ST3GAL4: variants seen among roughly 807,000 people sequenced by gnomAD.
The protein encoded by ST3GAL4 is ST3 beta-galactoside alpha-2,3-sialyltransferase 4.
A neutral mutation model predicts 42.6 loss-of-function variants in ST3GAL4; 24 were observed. The ratio of observed to expected loss-of-function variants is 0.56; its 90% CI spans 0.41 to 0.79. The LOEUF is 0.79. Ranked by LOEUF, ST3GAL4 falls within the 30% of genes least tolerant of loss-of-function variation. ST3GAL4 has a pLI of 0.00. For synonymous variants in ST3GAL4, 135 were observed against 163.2 expected (o/e 0.83, Z 1.32); for missense variants, 311 against 430.8 (o/e 0.72, Z 2.46).
At chr11:126,380,377 C>G (rs1952951830) in intron 1 of ST3GAL4, among the ~76,000 whole-genome samples, 1 of 152,072 alleles carries the variant, frequency 6.6e-6, no homozygotes, top group African/African-American at 2.4e-5. Context: ...CATCATACAT[C>G]AAGACCTTGC....
At position 126,391,935 on chromosome 11, in the gene ST3GAL4, T is replaced by TTG. The variant is rs1565412210; in HGVS notation, c.-60-14161_-60-14160insTG. Among the ~76,000 whole-genome samples the TTG allele has an allele frequency of 3.9e-3, 445 of 114,196 alleles. 2 individuals are homozygous for TTG. The highest frequency in any genetic ancestry group is 0.015 in the African/African-American group (424 of 27,610). The allele number at this position is 114,196 out of a possible 152,430, so 74.9% of individuals were successfully genotyped here. Reference sequence around the variant, plus strand: ...GCTCAGAACACCTGTGATAACTTGGTCGTGTGTGTGTGTGTGTGTGTGTGT... The same window carrying TTG: ...GCTCAGAACACCTGTGATAACTTGGTTGCGTGTGTGTGTGTGTGTGTGTGTGT... On this transcript the variant is annotated intron_variant, in intron 1 of 10. Coordinates refer to ENST00000444328, the MANE Select transcript of ST3GAL4 (RefSeq NM_001254757.2). This position sits in a 1 kb window ranked among gnomAD's most constrained non-coding sequence, Gnocchi z 5.5.
intron 1 of ST3GAL4, among the ~76,000 whole-genome samples, chr11:126,380,424 T>C (rs1447674213): frequency 6.6e-6 from 1 of 152,190 alleles, no homozygotes; most frequent in Non-Finnish European, 1.5e-5. Context: ...GTAGAGTGGA[T>C]AAATGAAGTT....
intron 1 of ST3GAL4, among the ~76,000 whole-genome samples, chr11:126,389,693 T>C (rs1953397103): frequency 6.6e-6 from 1 of 152,158 alleles, no homozygotes; most frequent in South Asian, 2.1e-4. Flanking sequence ...GTTAGCCTCC[T>C]GAGGAACTGG....
Position 126,368,217 on chromosome 11 carries a change from A to G in ST3GAL4, c.-61+12375A>G, listed in dbSNP as rs187746329. On this transcript the variant is annotated intron_variant, in intron 1 of 10. Coordinates refer to ENST00000444328, the MANE Select transcript of ST3GAL4 (RefSeq NM_001254757.2). ...AGGGATGATTTTTAAAAGTGAATCC[A>G]GGGCCAGGTGTGGTGGCTCATGCCT... 3.5e-3 allele frequency among the ~76,000 whole-genome samples: 524 copies of G among 150,542 alleles called. 1 individual carries two copies. The highest frequency in any genetic ancestry group is 5.6e-3 in the Admixed American group (85 of 15,148).
Position 126,410,408 on chromosome 11 carries a change from A to C in ST3GAL4, c.771+997A>C, listed in dbSNP as rs1410016748. Among the ~76,000 whole-genome samples the C allele has an allele frequency of 6.6e-6, 1 of 152,160 alleles. No individual in the cohort carries two copies. The highest frequency in any genetic ancestry group is 2.4e-5 in the African/African-American group (1 of 41,434). ...GTGAGAGACAGGCACTAGCAGACACAGGTATGGCGCTTGGCTGTGCTGTGT... is the reference window on the plus strand; with the variant it reads ...GTGAGAGACAGGCACTAGCAGACACCGGTATGGCGCTTGGCTGTGCTGTGT... On this transcript the variant is annotated intron_variant, in intron 9 of 10. Transcript: ENST00000444328. This position sits in a 1 kb window ranked among gnomAD's most constrained non-coding sequence, Gnocchi z 5.3.
chr11:126,390,569 C>A (rs1210237670), intron 1 of ST3GAL4, among the ~76,000 whole-genome samples: 1 of 150,408 alleles, frequency 6.6e-6, no homozygotes, highest in Non-Finnish European at 1.5e-5. Flanking sequence ...TTTCATATGT[C>A]CACCAAGTGT....
rs1040645477 is a variant in ST3GAL4, at chr11:126,410,124, C to T, written c.771+713C>T. Reference sequence around the variant, plus strand: ...GTCTCACTGTGTTGCCCAGGCTGGTCCTGAACTCCTGGCCTCAAGTGATCC... The same window carrying T: ...GTCTCACTGTGTTGCCCAGGCTGGTTCTGAACTCCTGGCCTCAAGTGATCC... On this transcript the variant is annotated intron_variant, in intron 9 of 10. Transcript: ENST00000444328. This position sits in a 1 kb window ranked among gnomAD's most constrained non-coding sequence, Gnocchi z 5.3. 3.3e-5 allele frequency among the ~76,000 whole-genome samples: 5 copies of T among 152,178 alleles called. No homozygotes were observed. The highest frequency in any genetic ancestry group is 2.1e-4 in the South Asian group (1 of 4,826).
At position 126,400,090 on chromosome 11, in the gene ST3GAL4, C is replaced by T. The variant is rs561975577; in HGVS notation, c.-60-6006C>T. Among the ~76,000 whole-genome samples the T allele has an allele frequency of 4.1e-4, 63 of 152,220 alleles. No individual in the cohort carries two copies. Among genetic ancestry groups the T allele is most frequent in the Non-Finnish European group, 6.8e-4 (46 of 68,018 alleles). ...CCTCTCCCCTCTCCACTTCTTGGCA[C>T]CAATTTTCTGTCTTAGTCCATTTTG... On this transcript the variant is annotated intron_variant, in intron 1 of 10. Transcript: ENST00000444328. This position sits in a 1 kb window ranked among gnomAD's most constrained non-coding sequence, Gnocchi z 4.6.
rs1952932514 is a variant in ST3GAL4, at chr11:126,379,776, C to A, written c.-61+23934C>A. Among the ~76,000 whole-genome samples, 1 of 152,122 alleles carries A rather than the reference C, an allele frequency of 6.6e-6. No individual in the cohort carries two copies. ...TACAGGCATGAGCCACCACACCCGG[C>A]CTGTTATCCTTAATTTTAAATCACA... On this transcript the variant is annotated intron_variant, in intron 1 of 10. Coordinates refer to ENST00000444328, the MANE Select transcript of ST3GAL4 (RefSeq NM_001254757.2). The surrounding 1 kb of genome is among the most constrained non-coding windows in gnomAD (Gnocchi z 4.2).
intron 1 of ST3GAL4, among the ~76,000 whole-genome samples, chr11:126,395,336 G>T (rs1953702939): frequency 6.6e-6 from 1 of 152,160 alleles, no homozygotes; most frequent in African/African-American, 2.4e-5. Context: ...AGTGTTGGGT[G>T]TGTGGAGTTG....
At position 126,396,791 on chromosome 11, in the gene ST3GAL4, C is replaced by G. The variant is rs373373803; in HGVS notation, c.-60-9305C>G. Among the ~76,000 whole-genome samples the G allele has an allele frequency of 2.6e-5, 4 of 151,372 alleles. No homozygotes were observed. The highest frequency in any genetic ancestry group is 9.7e-5 in the African/African-American group (4 of 41,184). On this transcript the variant is annotated intron_variant, in intron 1 of 10. Transcript: ENST00000444328. This position sits in a 1 kb window ranked among gnomAD's most constrained non-coding sequence, Gnocchi z 5.8. ...CTCCACTCCTCACGAGCTGTACAAC[C>G]TGGGCCGGTTACTGACCCCTTTCCC...
At chr11:126,388,793 C>T (rs569322270) in intron 1 of ST3GAL4, among the ~76,000 whole-genome samples, 4 of 29,352 alleles carry the variant, frequency 1.4e-4, no homozygotes, top group Non-Finnish European at 2.3e-4. Context: ...TTTTTTGAGA[C>T]GGATTTTTGT....
rs1335547911 is a variant in ST3GAL4 at position 126,362,250 on chromosome 11, T to A, written c.-61+6408T>A. ...TCTCACTCTGTTGCCCAGGCTGGAG[T>A]GCAGTGGCACAATCTCAGCTCACTG... On this transcript the variant is annotated intron_variant, in intron 1 of 10. Transcript: ENST00000444328. Among the ~76,000 whole-genome samples, 4 of 144,778 alleles carry A rather than the reference T, an allele frequency of 2.8e-5. No homozygotes were observed. The Admixed American group carries it at 2.9e-4, about 11-fold the overall frequency. The allele number at this position is 144,778 out of a possible 152,430, so 95.0% of individuals were successfully genotyped here.
rs151172686 is a variant in ST3GAL4 at position 126,369,258 on chromosome 11, G to C, written c.-61+13416G>C. Among the ~76,000 whole-genome samples the C allele has an allele frequency of 1.3e-3, 199 of 150,244 alleles. 2 individuals are homozygous for C. Among genetic ancestry groups the C allele is most frequent in the Admixed American group, 4.3e-3 (65 of 15,132 alleles). On this transcript the variant is annotated intron_variant, in intron 1 of 10. Coordinates refer to ENST00000444328, the MANE Select transcript of ST3GAL4 (RefSeq NM_001254757.2). ...TCTTTCTCTCTCTCTCTTTTTTTTG[G>C]GGGGGGGAGGCAGAGTTTTACTCTT...
In ST3GAL4 at chr11:126,398,715, C is replaced by G. The variant is rs182273632; in HGVS notation, c.-60-7381C>G. ...GTCTGTCCGCAATATCCTTTGAAAT[C>G]TAGTTGGAGGGAGCCAGGCCCATAG... is the stretch of plus-strand genomic sequence containing the variant. On this transcript the variant is annotated intron_variant, in intron 1 of 10. Coordinates refer to ENST00000444328, the MANE Select transcript of ST3GAL4 (RefSeq NM_001254757.2). This position sits in a 1 kb window ranked among gnomAD's most constrained non-coding sequence, Gnocchi z 4.7. Among the ~76,000 whole-genome samples, 2 of 152,348 alleles carry G rather than the reference C, an allele frequency of 1.3e-5. No homozygotes were observed. Among genetic ancestry groups the G allele is most frequent in the African/African-American group, 4.8e-5 (2 of 41,574 alleles).
At position 126,373,077 on chromosome 11, in the gene ST3GAL4, G is replaced by C. The variant is rs958358151; in HGVS notation, c.-61+17235G>C. On this transcript the variant is annotated intron_variant, in intron 1 of 10. Transcript: ENST00000444328. This position sits in a 1 kb window ranked among gnomAD's most constrained non-coding sequence, Gnocchi z 5.5. ...TGATTACATGCACTGTACCTGACTT[G>C]TTTAAAGCCTGATGTCTTGAGTACT... is the stretch of plus-strand genomic sequence containing the variant. Among the ~76,000 whole-genome samples, 4 of 152,184 alleles carry C rather than the reference G, an allele frequency of 2.6e-5. No individual in the cohort carries two copies. The highest frequency in any genetic ancestry group is 9.7e-5 in the African/African-American group (4 of 41,442).
At position 126,393,887 on chromosome 11, in the gene ST3GAL4, C is replaced by T. The variant is rs1398257832; in HGVS notation, c.-60-12209C>T. On this transcript the variant is annotated intron_variant, in intron 1 of 10. Transcript: ENST00000444328. This position sits in a 1 kb window ranked among gnomAD's most constrained non-coding sequence, Gnocchi z 5.9. ...TATTTTAACCCAATATAGCCAAAATCTTGGCATTTCAACATGGGATGAGCA... is the reference window on the plus strand; with the variant it reads ...TATTTTAACCCAATATAGCCAAAATTTTGGCATTTCAACATGGGATGAGCA... 6.6e-6 allele frequency among the ~76,000 whole-genome samples: 1 copy of T among 152,228 alleles called. No individual in the cohort carries two copies. Among genetic ancestry groups the T allele is most frequent in the African/African-American group, 2.4e-5 (1 of 41,452 alleles).
At position 126,373,555 on chromosome 11, in the gene ST3GAL4, C is replaced by T. The variant is rs1017214421; in HGVS notation, c.-61+17713C>T. 6.6e-5 allele frequency among the ~76,000 whole-genome samples: 10 copies of T among 152,092 alleles called. No individual in the cohort carries two copies. Among genetic ancestry groups the T allele is most frequent in the South Asian group, 4.1e-4 (2 of 4,828 alleles). ...TGTCTTGTGACTGGCAGCTGATAAA[C>T]GGGTGATACAGTGTTTCTATACAGG... On this transcript the variant is annotated intron_variant, in intron 1 of 10. Coordinates refer to ENST00000444328, the MANE Select transcript of ST3GAL4 (RefSeq NM_001254757.2). This position sits in a 1 kb window ranked among gnomAD's most constrained non-coding sequence, Gnocchi z 5.5.
rs1430139247 is a variant in ST3GAL4, at chr11:126,373,882, C to T, written c.-61+18040C>T. On this transcript the variant is annotated intron_variant, in intron 1 of 10. Coordinates refer to ENST00000444328, the MANE Select transcript of ST3GAL4 (RefSeq NM_001254757.2). The surrounding 1 kb of genome is among the most constrained non-coding windows in gnomAD (Gnocchi z 5.5). ...ATGGGGTGAGGCTGCAGCGTCCAGC[C>T]AGGGACTGTGCCGCAGGGGCCAGAA... Among the ~76,000 whole-genome samples the T allele has an allele frequency of 6.6e-6, 1 of 152,118 alleles. No homozygotes were observed. The highest frequency in any genetic ancestry group is 6.6e-5 in the Admixed American group (1 of 15,262).
Sources: allele counts gnomAD v4.1 joint callset (sites outside exome capture counted in the v4.1 genomes callset), GRCh38; gene constraint gnomAD v4.1.1; non-coding constraint Gnocchi (gnomAD v3.1); transcripts MANE v1.5; gene names NCBI Gene and HGNC (gene_info 2026-07-23, HGNC 2026-07-21).